HERC2: variants seen among roughly 807,000 people sequenced by gnomAD.
HERC2 encodes HECT and RLD domain containing E3 ubiquitin protein ligase 2, also known as E3 ubiquitin-protein ligase HERC2.
Under a neutral mutation model 537.7 loss-of-function variants are expected in HERC2, and 102 were observed. That is an observed-to-expected ratio of 0.19 (90% confidence interval 0.16 to 0.22). The LOEUF (loss-of-function observed/expected upper bound fraction) is 0.22, where lower values mean the gene tolerates loss of function less well. HERC2 is among the 10% of genes least tolerant of loss of function. HERC2 has a pLI of 1.00. For synonymous variants in HERC2, 2,224 were observed against 2,466.2 expected (o/e 0.90, Z 2.91); for missense variants, 4,236 against 6,198.2 (o/e 0.68, Z 10.63).
chr15:28,222,141 T>C lies in HERC2; in HGVS notation c.5539A>G (p.Thr1847Ala), dbSNP rs1900585497. Residue 1847 changes from threonine to alanine, a missense_variant, in exon 36 of 93, where the codon ACA becomes GCA. Physicochemically the swap from Thr to Ala is moderately conservative, Grantham distance 58. Transcript: ENST00000261609. Reference sequence around the variant, plus strand: ...TGCACAGGAGCCGTTTCCTTCCTTGTTTCTTCCAAAACTGTGGCAGAAGCA... The same window carrying C: ...TGCACAGGAGCCGTTTCCTTCCTTGCTTCTTCCAAAACTGTGGCAGAAGCA... The part of the protein sequence containing the change: ...QGASATVLEE[T>A]RKETAPVQLP... 2 of 1,348,530 alleles carry C rather than the reference T, an allele frequency of 1.5e-6. No individual in the cohort carries two copies. The highest frequency in any genetic ancestry group is 1.4e-5 in the African/African-American group (1 of 73,890). 83.5% of individuals were successfully genotyped at this position (1,348,530 alleles called of 1,614,324 possible).
At chr15:28,171,705 C>G (rs957727007) in intron 65 of HERC2, among the ~76,000 whole-genome samples, 4 of 151,826 alleles carry the variant, frequency 2.6e-5, no homozygotes, top group Admixed American at 2.6e-4. Context: ...TATTCCCATA[C>G]AGAAGAAATG....
rs16950975 is a variant in HERC2 at position 28,274,365 on chromosome 15, G to A, written c.726C>T (p.Asp242=). 3.4e-3 allele frequency: 5,529 copies of A among 1,614,154 alleles called. 176 individuals carry two copies. The African/African-American group carries it at 0.065, about 19-fold the overall frequency. ...LRALPEASLF[D]ESTVSSVWLE... ...GCCACACAGAGGACACGGTGCTCTC[G>A]TCAAAGAGCGAGGCCTCGGGAAGTG... is the stretch of plus-strand genomic sequence containing the variant. Residue 242 remains aspartate, a synonymous_variant, in exon 7 of 93, where the codon GAC becomes GAT. Transcript: ENST00000261609.
intron 37 of HERC2, 94 bp from the exon 38 acceptor site, chr15:28,218,765 G>A (rs1454929240): frequency 1.4e-5 from 16 of 1,122,622 alleles, no homozygotes; most frequent in East Asian, 1.2e-4. Flanking sequence ...TTACATTCTT[G>A]TTTTATTGAA....
At chr15:28,171,126 T>C (rs1167677595) in intron 65 of HERC2, among the ~76,000 whole-genome samples, 1 of 152,234 alleles carries the variant, frequency 6.6e-6, no homozygotes, top group East Asian at 1.9e-4. Context: ...TGGACATTTA[T>C]GCCAAAGAAA....
intron 69 of HERC2, among the ~76,000 whole-genome samples, chr15:28,153,885 G>A (rs1295971556): frequency 1.4e-4 from 22 of 152,018 alleles, no homozygotes; most frequent in East Asian, 3.9e-4. Flanking sequence ...TGGGAGGGGC[G>A]GGAATCAGGA....
At position 28,220,576 on chromosome 15, in the gene HERC2, C is replaced by G. The variant is rs778271458; in HGVS notation, c.5721G>C (p.Gln1907His). The change falls in exon 37 of 93, where the codon CAG becomes CAC. Residue 1907 changes from glutamine to histidine, a missense_variant. Gln to His is a conservative substitution (Grantham distance 24). This residue lies in a region of HERC2 where 365 missense variants were observed against 468.8 expected (regional missense o/e 0.78). Transcript: ENST00000261609. ...AGGAGTTGGTGCTGCCTGTGTCCCACTGGACTCTTATCCATCCGTCCTCTC... is the reference window on the plus strand; with the variant it reads ...AGGAGTTGGTGCTGCCTGTGTCCCAGTGGACTCTTATCCATCCGTCCTCTC... ...ELGEDGWIRV[Q>H]WDTGSTNSYR... The G allele has an allele frequency of 4.4e-6, 7 of 1,602,328 alleles. No individual in the cohort carries two copies. Among genetic ancestry groups the G allele is most frequent in the Non-Finnish European group, 5.9e-6 (7 of 1,179,818 alleles).
chr15:28,150,140 A>G (rs1471129611), intron 70 of HERC2, among the ~76,000 whole-genome samples: 1 of 152,108 alleles, frequency 6.6e-6, no homozygotes, highest in Non-Finnish European at 1.5e-5. Context: ...CATCACTGAG[A>G]ATAGCCGCAC....
intron 57 of HERC2, among the ~76,000 whole-genome samples, chr15:28,180,905 A>G (rs1895758709): frequency 6.6e-6 from 1 of 152,190 alleles, no homozygotes; most frequent in Non-Finnish European, 1.5e-5. Context: ...ATATGCAAAC[A>G]CTACACTGTT....
At position 28,298,805 on chromosome 15, in the gene HERC2, AAAG is replaced by A. The variant is rs754026839; in HGVS notation, c.187+594_187+596del. 4.2e-3 allele frequency among the ~76,000 whole-genome samples: 644 copies of A among 152,126 alleles called. 2 individuals carry two copies. Among genetic ancestry groups the A allele is most frequent in the Non-Finnish European group, 6.3e-3 (426 of 67,972 alleles). On this transcript the variant is annotated intron_variant, in intron 3 of 92. Transcript: ENST00000261609. ...AGCAAGACTCCTTCCCCCCCAAAAA[AAAG>A]AAGAAGAAGAAATACTTTCTTCAGA...
intron 33 of HERC2, 38 bp from the exon 34 acceptor site, chr15:28,229,384 G>A (rs1377997105): frequency 1.2e-6 from 2 of 1,613,044 alleles, no homozygotes; most frequent in South Asian, 2.2e-5. Flanking sequence ...TTGGGACACT[G>A]CCAGACTTCT....
intron 68 of HERC2, 49 bp downstream of exon 68, chr15:28,167,638 C>A (rs1205289523): frequency 6.2e-7 from 1 of 1,602,600 alleles, no homozygotes; most frequent in South Asian, 1.1e-5. Context: ...CTTCTGTGTA[C>A]ATTTAAGATT....
At chr15:28,273,223 T>C in intron 7 of HERC2, 5 of 592,160 alleles carry the variant, frequency 8.4e-6, no homozygotes, top group South Asian at 6.1e-5. Flanking sequence ...TTCACTCAGA[T>C]ACTATATTAC....
chr15:28,214,578 G>A (rs1596251243), intron 40 of HERC2, 77 bp downstream of exon 40: 1 of 1,542,886 alleles, frequency 6.5e-7, no homozygotes, highest in Non-Finnish European at 8.9e-7. Flanking sequence ...GCACAGGGAA[G>A]GGAAACGGCC....
At chr15:28,321,788 G>A (rs533898009) in intron 1 of HERC2, among the ~76,000 whole-genome samples, 8 of 130,664 alleles carry the variant, frequency 6.1e-5, no homozygotes, top group South Asian at 2.6e-4. Context: ...CACATAACAG[G>A]GAGCCCATCG....
intron 59 of HERC2, 107 bp downstream of exon 59, chr15:28,178,780 A>T: frequency 8.3e-7 from 1 of 1,201,746 alleles, no homozygotes; most frequent in Non-Finnish European, 1.1e-6. Context: ...TATTCCTACT[A>T]AGTAAAAACT....
intron 2 of HERC2, among the ~76,000 whole-genome samples, chr15:28,319,856 A>G (rs2141336561): frequency 6.6e-6 from 1 of 152,344 alleles, no homozygotes; most frequent in East Asian, 1.9e-4. Flanking sequence ...TTTACTCCAA[A>G]AAGTTTCTCA....
intron 3 of HERC2, among the ~76,000 whole-genome samples, chr15:28,295,936 G>A (rs1433393498): frequency 6.6e-6 from 1 of 151,720 alleles, no homozygotes; most frequent in Non-Finnish European, 1.5e-5. Context: ...TTACTATCTG[G>A]CCCTTTACAG....
chr15:28,219,113 T>G (rs966973532), intron 37 of HERC2, among the ~76,000 whole-genome samples: 2 of 152,222 alleles, frequency 1.3e-5, no homozygotes, highest in African/African-American at 4.8e-5. Flanking sequence ...AGCATATAAC[T>G]CAGAAGCAAT....
chr15:28,285,523 A>G (rs2076132685), intron 4 of HERC2, among the ~76,000 whole-genome samples: 1 of 152,106 alleles, frequency 6.6e-6, no homozygotes, highest in African/African-American at 2.4e-5. Flanking sequence ...CAATACATCA[A>G]AATGCATGGG....
Sources: allele counts gnomAD v4.1 joint callset (sites outside exome capture counted in the v4.1 genomes callset), GRCh38; gene constraint gnomAD v4.1.1; regional missense constraint gnomAD v4.1.1; transcripts MANE v1.5; gene names NCBI Gene and HGNC (gene_info 2026-07-23, HGNC 2026-07-21).